Variants in INSR observed in about 807,000 individuals in gnomAD.
INSR encodes the protein insulin receptor.
INSR carries 67 observed loss-of-function variants against 142.6 expected under a neutral mutation model. The observed-to-expected ratio is 0.47, with a 90% CI of 0.39 to 0.58. The LOEUF (loss-of-function observed/expected upper bound fraction) is 0.58, where lower values mean the gene tolerates loss of function less well. Ranked by LOEUF, INSR falls within the 20% of genes least tolerant of loss-of-function variation. The pLI is 0.00. For synonymous variants in INSR, 756 were observed against 743.1 expected (o/e 1.02, Z -0.28); for missense variants, 1,248 against 1,833.2 (o/e 0.68, Z 5.83).
chr19:7,201,397 G>T lies in INSR; in HGVS notation c.653-16760C>A, dbSNP rs545090416. 4.6e-5 allele frequency among the ~76,000 whole-genome samples: 7 copies of T among 151,948 alleles called. No homozygotes were observed. The South Asian group carries it at 1.0e-3, about 23-fold the overall frequency. On this transcript the variant is annotated intron_variant, in intron 2 of 21. Coordinates refer to ENST00000302850, the MANE Select transcript of INSR (RefSeq NM_000208.4). ...CCCAGCACTTTGGGAGGCCGAGGCG[G>T]GTGTATCACCTGAAGTCAGGAGTTC...
At chr19:7,243,983 A>T (rs1462115674) in intron 2 of INSR, among the ~76,000 whole-genome samples, 1 of 152,174 alleles carries the variant, frequency 6.6e-6, no homozygotes, top group Non-Finnish European at 1.5e-5. Context: ...TTTAGACATA[A>T]TTTTTTTCAT....
Position 7,150,461 on chromosome 19 carries a change from G to A in INSR, c.2267+36C>T, listed in dbSNP as rs371985431. On this transcript the variant is annotated intron_variant, in intron 11 of 21. Coordinates refer to ENST00000302850, the MANE Select transcript of INSR (RefSeq NM_000208.4). This position sits in a 1 kb window ranked among gnomAD's most constrained non-coding sequence, Gnocchi z 4.2. The stretch of plus-strand genomic sequence containing the variant: ...GCCTGGCACGCCGCCGGCCCTGCGC[G>A]GAGCAGGCACCAGGGGTCGCACAGG... The A allele has an allele frequency of 1.4e-5, 22 of 1,608,572 alleles. No homozygotes were observed. Among genetic ancestry groups the A allele is most frequent in the African/African-American group, 2.7e-5 (2 of 74,836 alleles).
chr19:7,223,252 T>G (rs1255596300), intron 2 of INSR, among the ~76,000 whole-genome samples: 2 of 152,120 alleles, frequency 1.3e-5, no homozygotes, highest in Non-Finnish European at 2.9e-5. Context: ...TCACTACACT[T>G]TACATGTCAC....
rs1555690379 is a variant in INSR at position 7,270,354 on chromosome 19, C to CACAA, written c.101-2459_101-2458insTTGT. Among the ~76,000 whole-genome samples the CACAA allele has an allele frequency of 3.5e-3, 524 of 148,624 alleles. 2 individuals carry two copies. Among genetic ancestry groups the CACAA allele is most frequent in the Non-Finnish European group, 4.4e-3 (298 of 67,530 alleles). ...TCTCTCTCTCTCACACACACACACA[C>CACAA]ACACACACACACACACACACACACA... On this transcript the variant is annotated intron_variant, in intron 1 of 21. Transcript: ENST00000302850.
At chr19:7,179,589 C>T (rs1974223869) in intron 3 of INSR, among the ~76,000 whole-genome samples, 2 of 152,294 alleles carry the variant, frequency 1.3e-5, no homozygotes, top group Admixed American at 6.5e-5. Flanking sequence ...TCCAGTAGGC[C>T]ACCTGTTTTT....
rs950723426 is a variant in INSR, at chr19:7,119,723, AACAC to A, written c.3660-144_3660-141del. On this transcript the variant is annotated intron_variant, in intron 20 of 21. Coordinates refer to ENST00000302850, the MANE Select transcript of INSR (RefSeq NM_000208.4). This position sits in a 1 kb window ranked among gnomAD's most constrained non-coding sequence, Gnocchi z 5.2. ...ACATACATGCAAACACACACATGCAAACACACACGCACATACACGTGCACACACA... is the reference window on the plus strand; with the variant it reads ...ACATACATGCAAACACACACATGCAAACACGCACATACACGTGCACACACA... The A allele has an allele frequency of 6.4e-6, 6 of 937,288 alleles. No individual in the cohort carries two copies. The highest frequency in any genetic ancestry group is 2.6e-5 in the East Asian group (1 of 39,012). The allele number at this position is 937,288 out of a possible 1,614,324, so 58.1% of individuals were successfully genotyped here.
chr19:7,193,015 G>A (rs772895290), intron 2 of INSR, among the ~76,000 whole-genome samples: 10 of 152,130 alleles, frequency 6.6e-5, no homozygotes, highest in East Asian at 1.9e-4. Context: ...CTAGACAGAG[G>A]GAGTCACAGA....
intron 3 of INSR, among the ~76,000 whole-genome samples, chr19:7,181,163 C>T (rs1422652299): frequency 6.6e-6 from 1 of 152,146 alleles, no homozygotes; most frequent in African/African-American, 2.4e-5. Context: ...TCAGGCTGGT[C>T]TCGAACTCCT....
chr19:7,278,961 T>C (rs1271874807), intron 1 of INSR, among the ~76,000 whole-genome samples: 1 of 152,032 alleles, frequency 6.6e-6, no homozygotes, highest in Non-Finnish European at 1.5e-5. Flanking sequence ...AAACCTCATC[T>C]CTACTAAAAA....
chr19:7,156,788 T>G (rs1041452479), intron 9 of INSR, among the ~76,000 whole-genome samples: 2 of 135,948 alleles, frequency 1.5e-5, no homozygotes, highest in African/African-American at 5.5e-5. Flanking sequence ...CTCTCTTTTT[T>G]TTTTTTTTTT....
rs1242356648 is a variant in INSR at position 7,143,102 on chromosome 19, G to A, written c.2268-12C>T. 8 of 1,613,968 alleles carry A rather than the reference G, an allele frequency of 5.0e-6. No homozygotes were observed. The highest frequency in any genetic ancestry group is 6.8e-6 in the Non-Finnish European group (8 of 1,179,994). ...GTTTCCGAGATGGCCTGGAACGACAGTAGGACATGTATGATGACACCATCA... is the reference window on the plus strand; with the variant it reads ...GTTTCCGAGATGGCCTGGAACGACAATAGGACATGTATGATGACACCATCA... On this transcript the variant is annotated splice_polypyrimidine_tract_variant and intron_variant, in intron 11 of 21. Coordinates refer to ENST00000302850, the MANE Select transcript of INSR (RefSeq NM_000208.4).
chr19:7,202,993 G>T (rs57549274), intron 2 of INSR, among the ~76,000 whole-genome samples: 95,537 of 138,280 alleles, frequency 0.69, 30,833 homozygotes, highest in Admixed American at 0.7. Flanking sequence ...GTGGGGTTTT[G>T]TTGTTTTTTT....
intron 1 of INSR, among the ~76,000 whole-genome samples, chr19:7,275,446 A>G (rs1209938987): frequency 6.6e-6 from 1 of 152,282 alleles, no homozygotes; most frequent in Non-Finnish European, 1.5e-5. Flanking sequence ...CATGAATTAA[A>G]TAAAAGTTTA....
Position 7,256,618 on chromosome 19 carries a change from A to T in INSR, c.652+10727T>A, listed in dbSNP as rs538545746. Among the ~76,000 whole-genome samples, 4 of 151,410 alleles carry T rather than the reference A, an allele frequency of 2.6e-5. No homozygotes were observed. In the South Asian group the frequency reaches 6.3e-4, roughly 24 times the overall value. Reference sequence around the variant, plus strand: ...CATGTCTACAAAAAATACAAAAATTAGCCAGCATGGTGGTGCGTGCCTGGA... The same window carrying T: ...CATGTCTACAAAAAATACAAAAATTTGCCAGCATGGTGGTGCGTGCCTGGA... On this transcript the variant is annotated intron_variant, in intron 2 of 21. Coordinates refer to ENST00000302850, the MANE Select transcript of INSR (RefSeq NM_000208.4).
intron 2 of INSR, among the ~76,000 whole-genome samples, chr19:7,231,260 C>T (rs1039252334): frequency 2.6e-5 from 4 of 151,190 alleles, no homozygotes; most frequent in Admixed American, 6.6e-5. Flanking sequence ...TTCGTTCAAA[C>T]GCTTTGTGTT....
At chr19:7,128,816 C>G in intron 15 of INSR, 36 bp downstream of exon 15, 1 of 1,433,022 alleles carries the variant, frequency 7.0e-7, no homozygotes. Flanking sequence ...AGAGAACCAA[C>G]TGTTCCCAGC....
rs141333611 is a variant in INSR, at chr19:7,269,038, C to CCA, written c.101-1144_101-1143dup. Among the ~76,000 whole-genome samples the CCA allele has an allele frequency of 3.3e-3, 479 of 146,908 alleles. 2 individuals carry two copies. Among genetic ancestry groups the CCA allele is most frequent in the Middle Eastern group, 7.0e-3 (2 of 286 alleles). ...TCTCTCTGCCAACACACCCACACAC[C>CCA]CACACACACACACACACACACACCG... On this transcript the variant is annotated intron_variant, in intron 1 of 21. Coordinates refer to ENST00000302850, the MANE Select transcript of INSR (RefSeq NM_000208.4).
At chr19:7,185,524 T>C (rs943364028) in intron 2 of INSR, among the ~76,000 whole-genome samples, 1 of 152,096 alleles carries the variant, frequency 6.6e-6, no homozygotes, top group Admixed American at 6.6e-5. Flanking sequence ...CAAGGTCTAA[T>C]GGAGGAGACA....
chr19:7,195,441 G>A (rs761219400), intron 2 of INSR, among the ~76,000 whole-genome samples: 7 of 151,996 alleles, frequency 4.6e-5, no homozygotes, highest in Non-Finnish European at 8.8e-5. Flanking sequence ...TCAGGAGTTC[G>A]AGACCAGCCT....
Sources: allele counts gnomAD v4.1 joint callset (sites outside exome capture counted in the v4.1 genomes callset), GRCh38; gene constraint gnomAD v4.1.1; non-coding constraint Gnocchi (gnomAD v3.1); transcripts MANE v1.5; gene names NCBI Gene and HGNC (gene_info 2026-07-23, HGNC 2026-07-21).